PTPRN2: variants seen among roughly 807,000 people sequenced by gnomAD.
The protein encoded by PTPRN2 is protein tyrosine phosphatase receptor type N2.
PTPRN2 carries 74 observed loss-of-function variants against 118.8 expected under a neutral mutation model. The observed-to-expected ratio is 0.62, with a 90% CI of 0.52 to 0.76. The LOEUF is 0.76. Among genes scored for constraint, PTPRN2 ranks in the 30% least tolerant of loss-of-function variants. The pLI is 0.00. For synonymous variants in PTPRN2, 641 were observed against 608.0 expected (o/e 1.05, Z -0.80); for missense variants, 1,481 against 1,394.4 (o/e 1.06, Z -0.99).
At chr7:157,958,789 G>T (rs534315680) in intron 11 of PTPRN2, among the ~76,000 whole-genome samples, 3 of 152,140 alleles carry the variant, frequency 2.0e-5, no homozygotes, top group African/African-American at 7.2e-5. Context: ...CCATCTTCAC[G>T]TATTATAAGG....
rs113148227 is a variant in PTPRN2 at position 157,916,332 on chromosome 7, C to T, written c.1724-17595G>A. 3.7e-3 allele frequency among the ~76,000 whole-genome samples: 559 copies of T among 152,282 alleles called. 2 individuals carry two copies. The highest frequency in any genetic ancestry group is 0.012 in the African/African-American group (519 of 41,560). The stretch of plus-strand genomic sequence containing the variant: ...CCTGGTGGTTATGGTCCCAGATGGG[C>T]GGCTGGAGCCTCTGGGAGGTGTTGG... On this transcript the variant is annotated intron_variant, in intron 11 of 22. Transcript: ENST00000389418.
intron 2 of PTPRN2, among the ~76,000 whole-genome samples, chr7:158,392,361 C>A (rs748300865): frequency 2.0e-5 from 3 of 152,172 alleles, no homozygotes; most frequent in African/African-American, 7.2e-5. Context: ...CGTGGCTGAG[C>A]GGCAGGCACA....
rs755449293 is a variant in PTPRN2 at position 158,267,310 on chromosome 7, G to T, written c.277+49509C>A. On this transcript the variant is annotated intron_variant, in intron 3 of 22. Transcript: ENST00000389418. ...GGCTGGCCCGGCAGAGCTGGTTCCCGCGGGGAACCCCGGGGGCGTGGTGCT... is the reference window on the plus strand; with the variant it reads ...GGCTGGCCCGGCAGAGCTGGTTCCCTCGGGGAACCCCGGGGGCGTGGTGCT... Among the ~76,000 whole-genome samples the T allele has an allele frequency of 1.8e-4, 26 of 141,840 alleles. No individual in the cohort carries two copies. In the East Asian group the frequency reaches 3.2e-3, roughly 17 times the overall value. 93.1% of individuals were successfully genotyped at this position (141,840 alleles called of 152,430 possible).
At chr7:158,571,599 A>T (rs1173918948) in intron 1 of PTPRN2, among the ~76,000 whole-genome samples, 1 of 149,812 alleles carries the variant, frequency 6.7e-6, no homozygotes, top group African/African-American at 2.5e-5. Context: ...AATGAAAGGA[A>T]GGAAAGTACA....
At chr7:157,753,208 C>T (rs1277902819) in intron 12 of PTPRN2, among the ~76,000 whole-genome samples, 1 of 152,248 alleles carries the variant, frequency 6.6e-6, no homozygotes, top group Non-Finnish European at 1.5e-5. Context: ...CAGTGGGCTT[C>T]TGTCCCCCGG....
chr7:158,490,376 C>T (rs1392657898), intron 1 of PTPRN2, among the ~76,000 whole-genome samples: 1 of 152,210 alleles, frequency 6.6e-6, no homozygotes, highest in Non-Finnish European at 1.5e-5. Context: ...TGGGCCAGGC[C>T]CTGGAGGAGA....
chr7:158,533,261 C>T (rs1158083033), intron 1 of PTPRN2, among the ~76,000 whole-genome samples: 6 of 152,214 alleles, frequency 3.9e-5, no homozygotes, highest in African/African-American at 9.6e-5. Flanking sequence ...CACAGGGCAG[C>T]GCCCAAGATC....
At chr7:157,643,628 G>A (rs936614513) in intron 14 of PTPRN2, among the ~76,000 whole-genome samples, 9 of 152,204 alleles carry the variant, frequency 5.9e-5, no homozygotes, top group Non-Finnish European at 1.0e-4. Flanking sequence ...CTGCTCCCCC[G>A]ACGGAGCCCC....
intron 5 of PTPRN2, among the ~76,000 whole-genome samples, chr7:158,187,797 G>A (rs1563575622): frequency 6.6e-6 from 1 of 152,216 alleles, no homozygotes; most frequent in Non-Finnish European, 1.5e-5. Context: ...ACACCTCCGA[G>A]TGGGAAAGAA....
intron 13 of PTPRN2, among the ~76,000 whole-genome samples, chr7:157,665,119 G>A (rs1464743119): frequency 6.6e-6 from 1 of 152,210 alleles, no homozygotes; most frequent in African/African-American, 2.4e-5. Flanking sequence ...TGGCCTGGGG[G>A]CACTGACACA....
chr7:158,478,029 A>G (rs1317064968), intron 2 of PTPRN2, among the ~76,000 whole-genome samples: 1 of 152,202 alleles, frequency 6.6e-6, no homozygotes, highest in Non-Finnish European at 1.5e-5. Context: ...CAGGACCGAG[A>G]GCCTGTGGGG....
intron 12 of PTPRN2, among the ~76,000 whole-genome samples, chr7:157,837,785 C>T (rs920015366): frequency 3.9e-5 from 6 of 152,226 alleles, no homozygotes; most frequent in African/African-American, 1.2e-4. Flanking sequence ...TGCCGCCACA[C>T]GTCTGTTGCA....
At chr7:157,834,568 C>T (rs1364310240) in intron 12 of PTPRN2, among the ~76,000 whole-genome samples, 2 of 152,282 alleles carry the variant, frequency 1.3e-5, no homozygotes, top group Non-Finnish European at 2.9e-5. Context: ...ATTGATCAGT[C>T]GACCCACCCG....
intron 2 of PTPRN2, among the ~76,000 whole-genome samples, chr7:158,405,597 C>T (rs949718188): frequency 1.1e-4 from 17 of 152,352 alleles, no homozygotes; most frequent in African/African-American, 2.6e-4. Context: ...CAGCAAGAGA[C>T]GATTTATCCA....
At chr7:158,136,505 A>G (rs1818827741) in intron 8 of PTPRN2, 150 bp downstream of exon 8, 2 of 660,382 alleles carry the variant, frequency 3.0e-6, no homozygotes, top group Admixed American at 2.8e-5. Flanking sequence ...TTCTCTTTAT[A>G]CTGTTTTTCA....
intron 12 of PTPRN2, among the ~76,000 whole-genome samples, chr7:157,891,905 T>C (rs1796831444): frequency 6.6e-6 from 1 of 152,178 alleles, no homozygotes; most frequent in South Asian, 2.1e-4. Flanking sequence ...GGGGGCTCTT[T>C]GCCACCCAGA....
At chr7:157,982,757 A>G (rs1803387069) in intron 11 of PTPRN2, among the ~76,000 whole-genome samples, 1 of 98,386 alleles carries the variant, frequency 1.0e-5, no homozygotes, top group African/African-American at 4.2e-5. Context: ...GGGAATGCAG[A>G]GTGCAGGGTC....
At chr7:157,924,258 G>A (rs1403305456) in intron 11 of PTPRN2, among the ~76,000 whole-genome samples, 1 of 152,182 alleles carries the variant, frequency 6.6e-6, no homozygotes, top group African/African-American at 2.4e-5. Flanking sequence ...AGCCACACTC[G>A]TTCTCCTTTT....
At chr7:158,512,621 T>C (rs1823261947) in intron 1 of PTPRN2, among the ~76,000 whole-genome samples, 1 of 152,036 alleles carries the variant, frequency 6.6e-6, no homozygotes, top group Non-Finnish European at 1.5e-5. Flanking sequence ...GGCAAGGACA[T>C]CCCCGCAGTA....
Sources: allele counts gnomAD v4.1 joint callset (sites outside exome capture counted in the v4.1 genomes callset), GRCh38; gene constraint gnomAD v4.1.1; transcripts MANE v1.5; gene names NCBI Gene and HGNC (gene_info 2026-07-23, HGNC 2026-07-21).